CHD2: variants seen among roughly 807,000 people sequenced by gnomAD.
CHD2 encodes the protein ATP-dependent chromatin remodeler CHD2.
A neutral mutation model predicts 243.9 loss-of-function variants in CHD2; 28 were observed. That is an observed-to-expected ratio of 0.11 (90% CI 0.09 to 0.16). CHD2 has a LOEUF of 0.16. CHD2 is among the 10% of genes least tolerant of loss of function. The probability of loss-of-function intolerance (pLI) is 1.00; values close to 1 mark genes in which losing one functional copy is unlikely to be tolerated. For synonymous variants in CHD2, 775 were observed against 779.0 expected (o/e 0.99, Z 0.09); for missense variants, 1,386 against 2,209.8 (o/e 0.63, Z 7.47).
chr15:92,919,827 A>C (rs1243445333), intron 2 of CHD2, among the ~76,000 whole-genome samples: 5 of 152,246 alleles, frequency 3.3e-5, no homozygotes, highest in Non-Finnish European at 7.3e-5. Context: ...AGACATTAAA[A>C]ATACTTAAGG....
intron 34 of CHD2, among the ~76,000 whole-genome samples, chr15:93,005,926 C>G (rs1401416735): frequency 6.6e-6 from 1 of 152,058 alleles, no homozygotes; most frequent in Non-Finnish European, 1.5e-5. Flanking sequence ...AAAAAATGCT[C>G]TTACAAATGA....
At chr15:92,930,122 TTTG>T (rs2053138564) in intron 5 of CHD2, among the ~76,000 whole-genome samples, 1 of 152,156 alleles carries the variant, frequency 6.6e-6, no homozygotes. Flanking sequence ...TTAGAAGGCT[TTTG>T]TTCTGCCCCA....
intron 13 of CHD2, among the ~76,000 whole-genome samples, chr15:92,950,752 TAAA>T (rs34816854): frequency 7.0e-6 from 1 of 142,424 alleles, no homozygotes; most frequent in Non-Finnish European, 1.5e-5. Context: ...AACTTCACCT[TAAA>T]AAAAAAAAAA....
intron 38 of CHD2, among the ~76,000 whole-genome samples, chr15:93,022,558 C>G (rs2054546366): frequency 6.6e-6 from 1 of 152,242 alleles, no homozygotes; most frequent in Non-Finnish European, 1.5e-5. Context: ...CTGTTACCTT[C>G]AGTCTTTTCG....
intron 26 of CHD2, among the ~76,000 whole-genome samples, chr15:92,987,603 C>T (rs1455754407): frequency 9.4e-6 from 1 of 106,270 alleles, no homozygotes; most frequent in African/African-American, 3.0e-5. Flanking sequence ...GCAAAACTCT[C>T]TAAAAGAAGA....
Position 92,971,765 on chromosome 15 carries a change from G to T in CHD2, c.2190G>T (p.Lys730Asn). The T allele has an allele frequency of 6.2e-7, 1 of 1,609,832 alleles. No individual in the cohort carries two copies. The highest frequency in any genetic ancestry group is 8.5e-7 in the Non-Finnish European group (1 of 1,178,602). Residue 730 changes from lysine to asparagine, a missense_variant and splice_region_variant, in exon 18 of 39, where the codon AAG (lysine) becomes AAT (asparagine). Lys to Asn is a moderately conservative substitution (Grantham distance 94). This residue lies in a region of CHD2 where 118 missense variants were observed against 266.3 expected (regional missense o/e 0.44). Transcript: ENST00000394196. The stretch of plus-strand genomic sequence containing the variant: ...GTATCATTATCATTTTAATTTGCAG[G>T]TGGATTCTGACCAGGAATTACAAGG... ...EMSALQKQYY[K>N]WILTRNYKAL...
intron 13 of CHD2, 66 bp downstream of exon 13, chr15:92,949,142 G>C: frequency 1.3e-6 from 2 of 1,576,240 alleles, no homozygotes; most frequent in East Asian, 2.3e-5. Flanking sequence ...TAGATGTCAA[G>C]AATTTTTTTT....
chr15:92,991,376 C>G, intron 26 of CHD2, 100 bp from the exon 27 acceptor site: 1 of 774,974 alleles, frequency 1.3e-6, no homozygotes. Context: ...CTATTTTTGA[C>G]AATTTGCATG....
chr15:92,978,146 A>C, intron 20 of CHD2, 88 bp from the exon 21 acceptor site: 3 of 1,486,334 alleles, frequency 2.0e-6, no homozygotes, highest in Non-Finnish European at 2.8e-6. Flanking sequence ...TCACACCTGC[A>C]GGGGTTTCCA....
At chr15:92,977,832 A>G (rs1466075396) in intron 20 of CHD2, among the ~76,000 whole-genome samples, 2 of 152,232 alleles carry the variant, frequency 1.3e-5, no homozygotes, top group Admixed American at 6.5e-5. Context: ...GTTTATACTA[A>G]CTGACTTACA....
At chr15:92,939,433 GC>G in intron 6 of CHD2, 144 bp from the exon 7 acceptor site, 3 of 839,642 alleles carry the variant, frequency 3.6e-6, no homozygotes, top group Non-Finnish European at 5.4e-6. Flanking sequence ...AGGGAGTAGG[GC>G]CCAAGAATAT....
At chr15:93,000,798 T>C (rs184565804) in intron 32 of CHD2, among the ~76,000 whole-genome samples, 158 bp downstream of exon 32, 2 of 152,364 alleles carry the variant, frequency 1.3e-5, no homozygotes, top group East Asian at 3.9e-4. Context: ...GAGGATAGTT[T>C]AAGTCAGCAA....
At chr15:92,904,916 TAAAC>T (rs772808137) in intron 2 of CHD2, 51 of 1,535,908 alleles carry the variant, frequency 3.3e-5, no homozygotes, top group East Asian at 4.9e-5. Flanking sequence ...ACATGGCTCA[TAAAC>T]AAAGGGAAGA....
intron 37 of CHD2, among the ~76,000 whole-genome samples, chr15:93,015,288 A>G (rs1201794229): frequency 6.6e-6 from 1 of 152,200 alleles, no homozygotes; most frequent in Non-Finnish European, 1.5e-5. Context: ...CATGTTGGCC[A>G]GGCTGGTCTC....
At chr15:92,920,402 A>G (rs368596175) in intron 2 of CHD2, among the ~76,000 whole-genome samples, 18 of 152,380 alleles carry the variant, frequency 1.2e-4, no homozygotes, top group South Asian at 8.3e-4. Context: ...GGAATGTTAT[A>G]TAAAATGTAG....
chr15:92,904,206 C>T (rs2052573538), intron 2 of CHD2, among the ~76,000 whole-genome samples: 1 of 152,228 alleles, frequency 6.6e-6, no homozygotes, highest in African/African-American at 2.4e-5. Context: ...AATGGCTGTT[C>T]CTTTGTGCCG....
chr15:92,935,332 G>C (rs979267981), intron 5 of CHD2, among the ~76,000 whole-genome samples: 1 of 152,110 alleles, frequency 6.6e-6, no homozygotes. Context: ...CACCGCGCCC[G>C]ACCTTTTTTG....
chr15:92,944,531 C>T lies in CHD2; in HGVS notation c.1153+16C>T. On this transcript the variant is annotated intron_variant, in intron 10 of 38. Coordinates refer to ENST00000394196, the MANE Select transcript of CHD2 (RefSeq NM_001271.4). ...AGAGTAATAGGTAAGTACATGGTAA[C>T]TCACTTCAGCCATATTTGAACTTGA... 7.7e-7 allele frequency: 1 copy of T among 1,303,348 alleles called. No homozygotes were observed. Among genetic ancestry groups the T allele is most frequent in the Non-Finnish European group, 1.1e-6 (1 of 929,332 alleles). 80.7% of individuals were successfully genotyped at this position (1,303,348 alleles called of 1,614,324 possible).
chr15:92,976,860 C>T (rs549347457), intron 20 of CHD2, among the ~76,000 whole-genome samples: 77 of 150,644 alleles, frequency 5.1e-4, no homozygotes, highest in Non-Finnish European at 1.1e-3. Flanking sequence ...GATTGCCCCA[C>T]TGCACTCCAG....
Sources: allele counts gnomAD v4.1 joint callset (sites outside exome capture counted in the v4.1 genomes callset), GRCh38; gene constraint gnomAD v4.1.1; regional missense constraint gnomAD v4.1.1; transcripts MANE v1.5; gene names NCBI Gene and HGNC (gene_info 2026-07-23, HGNC 2026-07-21).